The following GNAO1 variants were observed in gnomAD, a reference collection of about 807,000 sequenced individuals.
GNAO1 encodes the protein G protein subunit alpha o1, also known as guanine nucleotide-binding protein G(o) subunit alpha.
For synonymous variants in GNAO1, 164 were observed against 180.7 expected (o/e 0.91, Z 0.74); for missense variants, 166 against 478.7 (o/e 0.35, Z 6.10).
At chr16:56,237,736 A>G (rs2036652122) in intron 2 of GNAO1, among the ~76,000 whole-genome samples, 1 of 152,222 alleles carries the variant, frequency 6.6e-6, no homozygotes, top group African/African-American at 2.4e-5. Flanking sequence ...AACTTCTGAA[A>G]TTGCAAAGAA....
chr16:56,284,308 A>G (rs1002885400), intron 3 of GNAO1, among the ~76,000 whole-genome samples: 1 of 152,094 alleles, frequency 6.6e-6, no homozygotes, highest in African/African-American at 2.4e-5. Flanking sequence ...GGCTCAGTGC[A>G]GCATCAGCAC....
Position 56,317,221 on chromosome 16 carries a change from T to A in GNAO1, c.304-11410T>A, listed in dbSNP as rs2037520495. On this transcript the variant is annotated intron_variant, in intron 3 of 8. Transcript: ENST00000262493. The stretch of plus-strand genomic sequence containing the variant: ...CCTGGGGCATCCAGAAGGTTTGAAC[T>A]GCTTTCTGAACCCAGGTGGGGACTT... Among the ~76,000 whole-genome samples the A allele has an allele frequency of 2.0e-5, 3 of 152,222 alleles. No individual in the cohort carries two copies. In the South Asian group the frequency reaches 6.2e-4, roughly 32 times the overall value.
At chr16:56,219,879 G>A (rs2036468524) in intron 2 of GNAO1, among the ~76,000 whole-genome samples, 1 of 152,204 alleles carries the variant, frequency 6.6e-6, no homozygotes, top group Non-Finnish European at 1.5e-5. Context: ...TGTCAGTAGG[G>A]TAAGGTTCTG....
chr16:56,334,067 T>C (rs1373218337), intron 4 of GNAO1, among the ~76,000 whole-genome samples: 1 of 152,110 alleles, frequency 6.6e-6, no homozygotes, highest in Non-Finnish European at 1.5e-5. Flanking sequence ...CAGCAGGAGG[T>C]AGCAGGGGTA....
chr16:56,345,636 C>T (rs1476855099), intron 6 of GNAO1: 3 of 985,482 alleles, frequency 3.0e-6, no homozygotes, highest in Non-Finnish European at 3.6e-6. Flanking sequence ...TTGTTCACCT[C>T]GGTCATGTTT....
intron 2 of GNAO1, among the ~76,000 whole-genome samples, chr16:56,199,934 C>G (rs962626395): frequency 2.0e-5 from 3 of 152,170 alleles, no homozygotes; most frequent in Non-Finnish European, 4.4e-5. Flanking sequence ...GCCCCTTACT[C>G]TCTTGATTTG....
rs117778311 is a variant in GNAO1, at chr16:56,266,527, C to T, written c.162-9404C>T. On this transcript the variant is annotated intron_variant, in intron 2 of 8. Coordinates refer to ENST00000262493, the MANE Select transcript of GNAO1 (RefSeq NM_020988.3). ...ACATGGATACTGTCTGGCCCCCCAG[C>T]ACCACATTCAGTTGAGTCAAGGCAC... Among the ~76,000 whole-genome samples the T allele has an allele frequency of 2.6e-5, 4 of 152,352 alleles. No homozygotes were observed. The East Asian group carries it at 7.7e-4, about 29-fold the overall frequency.
rs1453650478 is a variant in GNAO1, at chr16:56,191,996, C to T, written c.-240C>T. On this transcript the variant is annotated 5_prime_UTR_variant, in exon 1 of 9. Transcript: ENST00000262493. This position sits in a 1 kb window ranked among gnomAD's most constrained non-coding sequence, Gnocchi z 4.7. ...TCCGGAGCCCCAGACCCCGGCCACCCTCGATTCGACAACCCCAGACCCCTG... is the reference window on the plus strand; with the variant it reads ...TCCGGAGCCCCAGACCCCGGCCACCTTCGATTCGACAACCCCAGACCCCTG... 7.3e-6 allele frequency: 4 copies of T among 545,854 alleles called. No homozygotes were observed. The South Asian group carries it at 9.9e-5, about 14-fold the overall frequency. 33.8% of individuals were successfully genotyped at this position (545,854 alleles called of 1,614,324 possible).
chr16:56,278,644 C>G (rs571819612), intron 3 of GNAO1, among the ~76,000 whole-genome samples: 46 of 152,256 alleles, frequency 3.0e-4, no homozygotes, highest in Non-Finnish European at 2.9e-5. Flanking sequence ...AGGCAGCAAA[C>G]AAGCCCACAA....
chr16:56,286,387 C>T (rs2037168027), intron 3 of GNAO1, among the ~76,000 whole-genome samples: 1 of 152,160 alleles, frequency 6.6e-6, no homozygotes, highest in Non-Finnish European at 1.5e-5. Flanking sequence ...CAAAATAAAA[C>T]ACAAAACAGC....
chr16:56,230,800 T>C (rs1339736349), intron 2 of GNAO1, among the ~76,000 whole-genome samples: 1 of 152,190 alleles, frequency 6.6e-6, no homozygotes, highest in East Asian at 1.9e-4. Context: ...AGTTCAGGCA[T>C]GTCCAGAGTC....
chr16:56,238,784 T>C (rs2036666449), intron 2 of GNAO1, among the ~76,000 whole-genome samples: 1 of 152,248 alleles, frequency 6.6e-6, no homozygotes, highest in African/African-American at 2.4e-5. Context: ...ATATACAGAC[T>C]TTAAAATGGA....
chr16:56,336,831 G>T lies in GNAO1; in HGVS notation c.694G>T (p.Asp232Tyr). Residue 232 changes from aspartate to tyrosine, a missense_variant, in exon 6 of 9, where the codon GAC becomes TAC. Coordinates refer to ENST00000262493, the MANE Select transcript of GNAO1 (RefSeq NM_020988.3). ...TTTCTGTGTCGCGCTCAGCGGCTAT[G>T]ACCAGGTGCTCCACGAAGACGAAAC... Reference protein sequence around the residue: ...IIFCVALSGYDQVLHEDETTN... With the variant: ...IIFCVALSGYYQVLHEDETTN... 1 of 1,613,110 alleles carries T rather than the reference G, an allele frequency of 6.2e-7. No individual in the cohort carries two copies. Among genetic ancestry groups the T allele is most frequent in the South Asian group, 1.1e-5 (1 of 90,996 alleles).
intron 3 of GNAO1, among the ~76,000 whole-genome samples, chr16:56,321,733 G>T (rs2037573082): frequency 1.3e-5 from 2 of 152,060 alleles, no homozygotes; most frequent in Admixed American, 6.5e-5. Flanking sequence ...GAACAGGACT[G>T]GGCAGAGAGG....
intron 4 of GNAO1, chr16:56,329,242 T>C (rs907494817): frequency 6.5e-6 from 1 of 153,892 alleles, no homozygotes; most frequent in African/African-American, 2.4e-5. Flanking sequence ...TTCCCCATCT[T>C]TAAAATTAAG....
intron 3 of GNAO1, chr16:56,302,980 AC>A (rs1198250350): frequency 3.1e-4 from 47 of 152,354 alleles, no homozygotes; most frequent in African/African-American, 1.1e-3. Context: ...GTGACAAGGA[AC>A]CAGCACACAC....
In GNAO1 at chr16:56,326,809, G is replaced by A. The variant is rs902538123; in HGVS notation, c.304-1822G>A. 6.6e-6 allele frequency among the ~76,000 whole-genome samples: 1 copy of A among 152,234 alleles called. No homozygotes were observed. The highest frequency in any genetic ancestry group is 1.5e-5 in the Non-Finnish European group (1 of 68,028). ...CCTGCTCTGCTCTCACCTACTCTGC[G>A]TTGGACATTAAAGGCTGTGGCTGCC... On this transcript the variant is annotated intron_variant, in intron 3 of 8. Coordinates refer to ENST00000262493, the MANE Select transcript of GNAO1 (RefSeq NM_020988.3). This position sits in a 1 kb window ranked among gnomAD's most constrained non-coding sequence, Gnocchi z 4.8.
At chr16:56,290,333 A>G (rs1252519069) in intron 3 of GNAO1, among the ~76,000 whole-genome samples, 1 of 152,206 alleles carries the variant, frequency 6.6e-6, no homozygotes, top group African/African-American at 2.4e-5. Flanking sequence ...GACAGGGCCT[A>G]TATGACTTCA....
chr16:56,276,732 C>G (rs1452224589), intron 3 of GNAO1: 1 of 152,214 alleles, frequency 6.6e-6, no homozygotes, highest in Non-Finnish European at 1.5e-5. Context: ...TACAGCTACA[C>G]TGGCAAGGCT....
Sources: allele counts gnomAD v4.1 joint callset (sites outside exome capture counted in the v4.1 genomes callset), GRCh38; gene constraint gnomAD v4.1.1; non-coding constraint Gnocchi (gnomAD v3.1); transcripts MANE v1.5; gene names NCBI Gene and HGNC (gene_info 2026-07-23, HGNC 2026-07-21).